Variants in HS6ST3 observed in about 807,000 individuals in gnomAD.
HS6ST3 encodes heparan sulfate 6-O-sulfotransferase 3.
A neutral mutation model predicts 36.7 loss-of-function variants in HS6ST3; 12 were observed. That is an observed-to-expected ratio of 0.33 (90% CI 0.21 to 0.53). HS6ST3 has a LOEUF of 0.53. Ranked by LOEUF, HS6ST3 falls within the 20% of genes least tolerant of loss-of-function variation. The probability of loss-of-function intolerance (pLI) is 0.95; values close to 1 mark genes in which losing one functional copy is unlikely to be tolerated. For missense variants in HS6ST3, 584 were observed against 640.9 expected, an observed-to-expected ratio of 0.91 and a Z score of 0.96; for synonymous variants, 240 against 257.5, an observed-to-expected ratio of 0.93 and a Z score of 0.65.
chr13:96,374,008 A>C (rs1251402333), intron 1 of HS6ST3, among the ~76,000 whole-genome samples: 2 of 152,210 alleles, frequency 1.3e-5, no homozygotes, highest in Non-Finnish European at 2.9e-5. Context: ...AAGAAGCAGC[A>C]TTATAAAGTT....
At chr13:96,791,776 T>G (rs1193647624) in intron 1 of HS6ST3, among the ~76,000 whole-genome samples, 2 of 152,110 alleles carry the variant, frequency 1.3e-5, no homozygotes, top group Non-Finnish European at 1.5e-5. Context: ...GTTTTAGATC[T>G]TTAACATTCT....
chr13:96,127,627 G>A (rs188647968), intron 1 of HS6ST3, among the ~76,000 whole-genome samples: 1 of 152,096 alleles, frequency 6.6e-6, no homozygotes, highest in Non-Finnish European at 1.5e-5. Flanking sequence ...AGGCTTTCTT[G>A]GTTCTCCTTG....
chr13:96,232,095 A>G (rs1367270682), intron 1 of HS6ST3, among the ~76,000 whole-genome samples: 1 of 152,200 alleles, frequency 6.6e-6, no homozygotes, highest in East Asian at 1.9e-4. Flanking sequence ...GAGGTACAGC[A>G]CATAGCCTGG....
chr13:96,215,005 A>G (rs773092895), intron 1 of HS6ST3, among the ~76,000 whole-genome samples: 3 of 151,984 alleles, frequency 2.0e-5, no homozygotes, highest in Non-Finnish European at 4.4e-5. Flanking sequence ...CTGCCCTCCC[A>G]CTTCCTCCCC....
At chr13:96,461,106 T>G (rs2055782143) in intron 1 of HS6ST3, among the ~76,000 whole-genome samples, 1 of 152,238 alleles carries the variant, frequency 6.6e-6, no homozygotes, top group African/African-American at 2.4e-5. Context: ...TTGCATTAAT[T>G]ACTGATTTGG....
chr13:96,275,853 CTCT>C (rs1271146049), intron 1 of HS6ST3, among the ~76,000 whole-genome samples: 27 of 119,466 alleles, frequency 2.3e-4, no homozygotes, highest in Middle Eastern at 4.9e-3. Context: ...CTCTCTGTCT[CTCT>C]TTTTTTTTTT....
chr13:96,831,954 CAAA>C lies in HS6ST3; in HGVS notation c.708-512_708-510del, dbSNP rs35266831. Among the ~76,000 whole-genome samples the C allele has an allele frequency of 7.2e-3, 158 of 21,850 alleles. 1 individual carries two copies. Among genetic ancestry groups the C allele is most frequent in the East Asian group, 0.033 (23 of 698 alleles). The allele number at this position is 21,850 out of a possible 152,430, so 14.3% of individuals were successfully genotyped here. On this transcript the variant is annotated intron_variant, in intron 1 of 1. Transcript: ENST00000376705. Reference sequence around the variant, plus strand: ...TGGGTGACAGAGCAAGACTCCCTCTCAAAAAAAAAAAAAAAAAAAAAAAAAACA... The same window carrying C: ...TGGGTGACAGAGCAAGACTCCCTCTCAAAAAAAAAAAAAAAAAAAAAAACA...
intron 1 of HS6ST3, among the ~76,000 whole-genome samples, chr13:96,255,597 G>C (rs1224437820): frequency 1.3e-5 from 2 of 152,134 alleles, no homozygotes; most frequent in Non-Finnish European, 2.9e-5. Context: ...ATTGGGGCAG[G>C]CCTTCTGGTT....
chr13:96,616,738 T>C (rs986443993), intron 1 of HS6ST3, among the ~76,000 whole-genome samples: 2 of 152,224 alleles, frequency 1.3e-5, no homozygotes, highest in African/African-American at 4.8e-5. Context: ...TATTAGACAG[T>C]TGTAATAATT....
intron 1 of HS6ST3, among the ~76,000 whole-genome samples, chr13:96,218,055 G>A (rs2054435999): frequency 6.6e-6 from 1 of 152,148 alleles, no homozygotes; most frequent in East Asian, 1.9e-4. Context: ...AAGAGATGAT[G>A]TCAAAGTAAA....
Position 96,677,383 on chromosome 13 carries a change from G to C in HS6ST3, c.708-155107G>C, listed in dbSNP as rs1017431325. Among the ~76,000 whole-genome samples the C allele has an allele frequency of 5.9e-4, 89 of 152,060 alleles. 1 individual carries two copies. Among genetic ancestry groups the C allele is most frequent in the African/African-American group, 2.0e-3 (82 of 41,396 alleles). On this transcript the variant is annotated intron_variant, in intron 1 of 1. Transcript: ENST00000376705. ...TGCCAGCAGATATGGTATCTGGCTAGGTTGAAAGCCTTTCTGTTAATAGGA... is the reference window on the plus strand; with the variant it reads ...TGCCAGCAGATATGGTATCTGGCTACGTTGAAAGCCTTTCTGTTAATAGGA...
intron 1 of HS6ST3, among the ~76,000 whole-genome samples, chr13:96,536,855 C>A (rs1184349702): frequency 1.3e-5 from 2 of 152,204 alleles, no homozygotes; most frequent in African/African-American, 4.8e-5. Flanking sequence ...CAGTAGTATG[C>A]CAACAGCCCA....
At chr13:96,537,219 A>G (rs1383500614) in intron 1 of HS6ST3, among the ~76,000 whole-genome samples, 1 of 152,222 alleles carries the variant, frequency 6.6e-6, no homozygotes, top group Non-Finnish European at 1.5e-5. Flanking sequence ...GAGAACGAAG[A>G]GAAAGAGGAA....
At chr13:96,672,186 C>A (rs2056684839) in intron 1 of HS6ST3, among the ~76,000 whole-genome samples, 1 of 152,136 alleles carries the variant, frequency 6.6e-6, no homozygotes, top group South Asian at 2.1e-4. Flanking sequence ...ATACACAATA[C>A]CTGTCCACTC....
At chr13:96,781,491 A>G (rs1158889922) in intron 1 of HS6ST3, among the ~76,000 whole-genome samples, 2 of 152,248 alleles carry the variant, frequency 1.3e-5, no homozygotes, top group East Asian at 3.9e-4. Flanking sequence ...GAAAAGCTGT[A>G]GTGTATTCAT....
At chr13:96,572,117 G>A (rs1443360626) in intron 1 of HS6ST3, among the ~76,000 whole-genome samples, 2 of 152,190 alleles carry the variant, frequency 1.3e-5, no homozygotes, top group African/African-American at 4.8e-5. Context: ...TTCTAGGCTC[G>A]ATAATTTAAT....
intron 1 of HS6ST3, among the ~76,000 whole-genome samples, chr13:96,355,482 G>A (rs1233376848): frequency 6.6e-6 from 1 of 151,716 alleles, no homozygotes; most frequent in Non-Finnish European, 1.5e-5. Flanking sequence ...AGTAAATATA[G>A]CAATAAAGTG....
intron 1 of HS6ST3, among the ~76,000 whole-genome samples, chr13:96,306,754 T>G (rs1268522852): frequency 6.6e-6 from 1 of 152,172 alleles, no homozygotes; most frequent in Non-Finnish European, 1.5e-5. Context: ...GTTCCATGAT[T>G]GCTGTCATGA....
chr13:96,261,984 A>G (rs2054668764), intron 1 of HS6ST3, among the ~76,000 whole-genome samples: 1 of 152,224 alleles, frequency 6.6e-6, no homozygotes, highest in Non-Finnish European at 1.5e-5. Context: ...AGGTACAATA[A>G]GAACCCTAGA....
Sources: allele counts gnomAD v4.1 joint callset (sites outside exome capture counted in the v4.1 genomes callset), GRCh38; gene constraint gnomAD v4.1.1; transcripts MANE v1.5; gene names NCBI Gene and HGNC (gene_info 2026-07-23, HGNC 2026-07-21).